The following LRRC1 variants were observed in gnomAD, a reference collection of about 807,000 sequenced individuals.
LRRC1 encodes the protein leucine rich repeat containing 1, also known as leucine-rich repeat-containing protein 1.
A neutral mutation model predicts 69.9 loss-of-function variants in LRRC1; 28 were observed. That is an observed-to-expected ratio of 0.40 (90% confidence interval 0.30 to 0.55). LRRC1 has a LOEUF of 0.55. LRRC1 is among the 20% of genes least tolerant of loss of function. LRRC1 has a pLI of 0.47. For missense variants in LRRC1, 498 were observed against 609.0 expected (o/e 0.82, Z 1.92); for synonymous variants, 236 against 240.2 (o/e 0.98, Z 0.16).
chr6:53,912,911 G>A (rs1328602402), intron 10 of LRRC1, among the ~76,000 whole-genome samples: 1 of 152,072 alleles, frequency 6.6e-6, no homozygotes, highest in East Asian at 1.9e-4. Context: ...GTGAGTACAA[G>A]AAGAATGTAG....
intron 1 of LRRC1, among the ~76,000 whole-genome samples, chr6:53,838,420 T>G (rs1765673258): frequency 6.6e-6 from 1 of 152,226 alleles, no homozygotes; most frequent in Non-Finnish European, 1.5e-5. Flanking sequence ...GGTTATCGTT[T>G]CCACAGATGT....
chr6:53,900,437 T>G (rs995674962), intron 8 of LRRC1, among the ~76,000 whole-genome samples: 2 of 152,232 alleles, frequency 1.3e-5, no homozygotes, highest in African/African-American at 4.8e-5. Context: ...TATCTATTAC[T>G]GCTGTCGTTA....
At position 53,865,632 on chromosome 6, in the gene LRRC1, A is replaced by G. The variant is rs539272514; in HGVS notation, c.278-13361A>G. On this transcript the variant is annotated intron_variant, in intron 2 of 13. Coordinates refer to ENST00000370888, the MANE Select transcript of LRRC1 (RefSeq NM_018214.5). ...ACATCAGCGATGTGGCAGTGAGGGT[A>G]CTGTCTTCAAATTCTTGATTGCTTA... Among the ~76,000 whole-genome samples the G allele has an allele frequency of 2.0e-5, 3 of 152,024 alleles. No individual in the cohort carries two copies. In the South Asian group the frequency reaches 6.2e-4, roughly 31 times the overall value.
chr6:53,909,536 T>C (rs141807150), intron 10 of LRRC1, among the ~76,000 whole-genome samples: 103 of 152,294 alleles, frequency 6.8e-4, no homozygotes, highest in African/African-American at 2.4e-3. Flanking sequence ...TGATTTTTTT[T>C]CATTGTGCTT....
At chr6:53,848,146 GCC>G (rs1332043360) in intron 2 of LRRC1, among the ~76,000 whole-genome samples, 1 of 152,186 alleles carries the variant, frequency 6.6e-6, no homozygotes, top group Non-Finnish European at 1.5e-5. Context: ...AAGGGAGCAC[GCC>G]TCTATGCTCA....
At chr6:53,908,299 AC>A (rs1768302322) in intron 10 of LRRC1, among the ~76,000 whole-genome samples, 1 of 152,208 alleles carries the variant, frequency 6.6e-6, no homozygotes, top group African/African-American at 2.4e-5. Context: ...AGCCACACTT[AC>A]CCAGTCAGAT....
rs117166662 is a variant in LRRC1, at chr6:53,908,767, C to T, written c.990+4305C>T. Among the ~76,000 whole-genome samples, 477 of 152,154 alleles carry T rather than the reference C, an allele frequency of 3.1e-3. 7 individuals are homozygous for T. The East Asian group carries it at 0.041, about 13-fold the overall frequency. ...TGTCTTTACTCTATTAGAAGTTCTT[C>T]TACACCAATAAGGAAAAGATGTATT... On this transcript the variant is annotated intron_variant, in intron 10 of 13. Transcript: ENST00000370888.
intron 10 of LRRC1, among the ~76,000 whole-genome samples, chr6:53,911,495 C>T (rs1768407143): frequency 6.6e-6 from 1 of 152,172 alleles, no homozygotes; most frequent in Non-Finnish European, 1.5e-5. Context: ...GTATGTCTTC[C>T]AGGAGCTGAT....
At chr6:53,837,036 G>A (rs1266231901) in intron 1 of LRRC1, among the ~76,000 whole-genome samples, 2 of 152,094 alleles carry the variant, frequency 1.3e-5, no homozygotes, top group East Asian at 1.9e-4. Flanking sequence ...ATTCATCCAT[G>A]TCATAACTAA....
Position 53,795,241 on chromosome 6 carries a change from G to A in LRRC1, c.-16G>A. 3 of 1,594,422 alleles carry A rather than the reference G, an allele frequency of 1.9e-6. No individual in the cohort carries two copies. Among genetic ancestry groups the A allele is most frequent in the Non-Finnish European group, 2.6e-6 (3 of 1,173,156 alleles). ...TCCGCCGCTCGGGACCCGGCTAGGC[G>A]GCGGCGGGGGCGGCGATGTTCCACT... On this transcript the variant is annotated 5_prime_UTR_variant, in exon 1 of 14. Transcript: ENST00000370888.
intron 4 of LRRC1, among the ~76,000 whole-genome samples, chr6:53,890,998 T>A (rs1218901226): frequency 6.6e-6 from 1 of 152,252 alleles, no homozygotes; most frequent in African/African-American, 2.4e-5. Flanking sequence ...AGAACAGATG[T>A]AAATTCCTTA....
intron 8 of LRRC1, among the ~76,000 whole-genome samples, chr6:53,901,688 G>A (rs1051970223): frequency 2.0e-5 from 3 of 152,180 alleles, no homozygotes; most frequent in Non-Finnish European, 2.9e-5. Flanking sequence ...GAGATGTTTC[G>A]GTGCTTGGCT....
intron 2 of LRRC1, among the ~76,000 whole-genome samples, chr6:53,877,682 T>C (rs552337615): frequency 6.6e-6 from 1 of 152,242 alleles, no homozygotes; most frequent in Non-Finnish European, 1.5e-5. Context: ...ACATAACAAG[T>C]CACCTTTGCT....
chr6:53,843,915 G>A (rs1307045601), intron 2 of LRRC1, among the ~76,000 whole-genome samples: 1 of 152,178 alleles, frequency 6.6e-6, no homozygotes, highest in Non-Finnish European at 1.5e-5. Flanking sequence ...ATTTCTCAGT[G>A]AAGAGTGGTT....
Position 53,795,407 on chromosome 6 carries a change from C to T in LRRC1, c.151C>T (p.Leu51=), listed in dbSNP as rs1476516110. 1 of 1,611,734 alleles carries T rather than the reference C, an allele frequency of 6.2e-7. No individual in the cohort carries two copies. Among genetic ancestry groups the T allele is most frequent in the Non-Finnish European group, 8.5e-7 (1 of 1,179,672 alleles). Residue 51 remains leucine (L), a synonymous_variant, in exon 1 of 14, where the codon CTG becomes TTG. Coordinates refer to ENST00000370888, the MANE Select transcript of LRRC1 (RefSeq NM_018214.5). ...GCTGGACGCCAACCAGCTCCGCGAG[C>T]TGCCCGAGGTAAGGGTCCGGCCTCA... ...LLLDANQLRE[L]PEQFFQLVKL...
intron 2 of LRRC1, among the ~76,000 whole-genome samples, chr6:53,844,302 A>G (rs923475496): frequency 6.6e-6 from 1 of 152,268 alleles, no homozygotes; most frequent in Non-Finnish European, 1.5e-5. Context: ...AGAAATACAT[A>G]GCAATTTTGA....
intron 2 of LRRC1, among the ~76,000 whole-genome samples, chr6:53,850,578 A>G (rs1016805397): frequency 2.0e-5 from 3 of 152,234 alleles, no homozygotes; most frequent in African/African-American, 7.2e-5. Context: ...AAGCTATATG[A>G]ATTGTCATGG....
Position 53,868,208 on chromosome 6 carries a change from A to G in LRRC1, c.278-10785A>G, listed in dbSNP as rs139069992. 1.9e-4 allele frequency among the ~76,000 whole-genome samples: 29 copies of G among 149,264 alleles called. No homozygotes were observed. In the East Asian group the frequency reaches 5.2e-3, roughly 27 times the overall value. Reference sequence around the variant, plus strand: ...CAAAAACCCTCTAAATGTTATTTCTATTGGTAATGCTACTCTTTTTTTTTT... The same window carrying G: ...CAAAAACCCTCTAAATGTTATTTCTGTTGGTAATGCTACTCTTTTTTTTTT... On this transcript the variant is annotated intron_variant, in intron 2 of 13. Coordinates refer to ENST00000370888, the MANE Select transcript of LRRC1 (RefSeq NM_018214.5).
At chr6:53,887,264 T>G (rs9296723) in intron 4 of LRRC1, among the ~76,000 whole-genome samples, 1 of 152,052 alleles carries the variant, frequency 6.6e-6, no homozygotes, top group African/African-American at 2.4e-5. Context: ...TGCTTAATAT[T>G]TCTGATGTAA....
Sources: gnomAD v4.1 joint callset for allele counts (sites outside exome capture counted in the v4.1 genomes callset) on GRCh38, gnomAD v4.1.1 for gene constraint, MANE v1.5 for transcripts, NCBI Gene and HGNC (gene_info 2026-07-23, HGNC 2026-07-21) for gene names.